The following ZNF577 variants were observed in gnomAD, a reference collection of about 807,000 sequenced individuals.
ZNF577 encodes zinc finger protein 577.
Under a neutral mutation model 13.9 loss-of-function variants are expected in ZNF577, and 14 were observed. The ratio of observed to expected loss-of-function variants is 1.00; its 90% CI spans 0.66 to 1.57. The LOEUF (loss-of-function observed/expected upper bound fraction) is 1.57. ZNF577 is among the 40% of genes most tolerant of loss of function. The probability of loss-of-function intolerance (pLI) is 0.00; values close to 1 mark genes in which losing one functional copy is unlikely to be tolerated. For missense variants in ZNF577, 555 were observed against 579.2 expected (o/e 0.96, Z 0.43); for synonymous variants, 203 against 202.9 (o/e 1.00, Z 0.00).
chr19:51,833,177 T>C (rs542778000), intron 9 of ZNF577, among the ~76,000 whole-genome samples: 164 of 111,150 alleles, frequency 1.5e-3, no homozygotes, highest in African/African-American at 5.0e-3. Flanking sequence ...CCCAACTTTA[T>C]CTTCTTATTT....
chr19:51,816,963 C>A (rs1203688985), intron 9 of ZNF577, among the ~76,000 whole-genome samples: 3 of 152,090 alleles, frequency 2.0e-5, no homozygotes. Context: ...ATTTTTTCAC[C>A]TTGGTAATTT....
intron 9 of ZNF577, chr19:51,817,534 T>C (rs1186060683): frequency 1.3e-5 from 2 of 151,354 alleles, no homozygotes; most frequent in Non-Finnish European, 3.0e-5. Context: ...TTTTAAATTA[T>C]TGTTTCCCTA....
At position 51,873,628 on chromosome 19, in the gene ZNF577, A is replaced by T; in HGVS notation, c.362T>A (p.Ile121Asn). ...TCCAGTAAGAGTTTTGTCACGCTTG[A>T]TATGGAGGCATGATCTCCCATATCC... Reference protein sequence around the residue: ...FGGYGRSCLHIKRDKTLTGVK... With the variant: ...FGGYGRSCLHNKRDKTLTGVK... Residue 121 changes from isoleucine (I) to asparagine (N), a missense_variant, in exon 6 of 6, where the codon ATC (isoleucine) becomes AAC (asparagine). Coordinates refer to ENST00000638348, the MANE Select transcript of ZNF577 (RefSeq NM_001370449.1). 1 of 1,614,198 alleles carries T rather than the reference A, an allele frequency of 6.2e-7. No homozygotes were observed. Among genetic ancestry groups the T allele is most frequent in the Non-Finnish European group, 8.5e-7 (1 of 1,180,028 alleles).
At chr19:51,857,388 AAG>A (rs1405563569) in intron 5 of ZNF577, among the ~76,000 whole-genome samples, 1 of 119,770 alleles carries the variant, frequency 8.3e-6, no homozygotes, top group Non-Finnish European at 1.6e-5. Flanking sequence ...GAAAGAAAGA[AAG>A]AAAGAAAGAA....
chr19:51,865,854 C>T (rs1296110203), downstream of ZNF577, among the ~76,000 whole-genome samples: 1 of 152,108 alleles, frequency 6.6e-6, no homozygotes, highest in African/African-American at 2.4e-5. Flanking sequence ...CGGTGGCTCA[C>T]ACTTGTAATC....
rs2084690525 is a variant in ZNF577 at position 51,873,149 on chromosome 19, G to A, written c.841C>T (p.Gln281Ter). 1 of 1,613,982 alleles carries A rather than the reference G, an allele frequency of 6.2e-7. No individual in the cohort carries two copies. The highest frequency in any genetic ancestry group is 1.3e-5 in the African/African-American group (1 of 74,906). ...TGGTGTGCAGTGAGGTATGCCTTCT[G>A]AGAAAAGGCTTTCCCACACACACTG... ...GCSVCGKAFS[Q>*]KAYLTAHQRL... is the part of the protein sequence containing the mutation. Residue 281 changes from glutamine (Q) to a stop codon, truncating the protein, a stop_gained, in exon 6 of 6, where the codon CAG (glutamine) becomes TAG (stop). Transcript: ENST00000638348. LOFTEE classifies it low-confidence loss of function (END_TRUNC).
At chr19:51,855,128 A>T (rs1460998580) in intron 5 of ZNF577, among the ~76,000 whole-genome samples, 1 of 152,130 alleles carries the variant, frequency 6.6e-6, no homozygotes, top group East Asian at 1.9e-4. Flanking sequence ...TGTGTCACAA[A>T]TTTTTGTTGA....
In ZNF577 at chr19:51,883,956, C is replaced by T. The variant is rs535335183; in HGVS notation, c.-219+2865G>A. ...TGGTGTGGTGGCAGATGCCTGTAAG[C>T]CCAGCTACTCGGGAGGCTGAGGCAG... On this transcript the variant is annotated intron_variant, in intron 1 of 5. Transcript: ENST00000638348. Among the ~76,000 whole-genome samples, 3 of 152,154 alleles carry T rather than the reference C, an allele frequency of 2.0e-5. No individual in the cohort carries two copies. In the South Asian group the frequency reaches 6.2e-4, roughly 32 times the overall value.
chr19:51,836,894 A>G (rs990520207), intron 9 of ZNF577, among the ~76,000 whole-genome samples: 1 of 151,958 alleles, frequency 6.6e-6, no homozygotes, highest in Non-Finnish European at 1.5e-5. Flanking sequence ...AAATACAAAA[A>G]TTATACGGGC....
At position 51,835,075 on chromosome 19, in the gene ZNF577, T is replaced by G. The variant is rs546808069; in HGVS notation, c.*599+4818A>C. ...TAAAGAAAATATAAGAAAATAACTTTTAAAAGTGGAAATAAATGAAATAGA... is the reference window on the plus strand; with the variant it reads ...TAAAGAAAATATAAGAAAATAACTTGTAAAAGTGGAAATAAATGAAATAGA... On this transcript the variant is annotated intron_variant and NMD_transcript_variant, in intron 9 of 10. Coordinates refer to the ZNF577 transcript ENST00000638827. Among the ~76,000 whole-genome samples, 7 of 152,060 alleles carry G rather than the reference T, an allele frequency of 4.6e-5. No individual in the cohort carries two copies. In the East Asian group the frequency reaches 1.4e-3, roughly 29 times the overall value.
chr19:51,815,886 G>GA (rs2084132693), intron 9 of ZNF577, among the ~76,000 whole-genome samples: 2 of 143,124 alleles, frequency 1.4e-5, no homozygotes, highest in Admixed American at 1.4e-4. Flanking sequence ...AAAGAAAAAA[G>GA]AAAAAGAAGA....
At chr19:51,827,052 G>A (rs562494581) in intron 9 of ZNF577, among the ~76,000 whole-genome samples, 38 of 152,236 alleles carry the variant, frequency 2.5e-4, no homozygotes, top group Admixed American at 1.3e-3. Flanking sequence ...GCCACATGAC[G>A]TCTGGCAATA....
chr19:51,861,410 C>T (rs1280436413), intron 5 of ZNF577: 1 of 154,880 alleles, frequency 6.5e-6, no homozygotes, highest in Admixed American at 6.5e-5. Flanking sequence ...AGATAACAGG[C>T]ATGGGCCAAT....
At chr19:51,874,754 A>T (rs1013050046) in intron 5 of ZNF577, among the ~76,000 whole-genome samples, 1 of 152,178 alleles carries the variant, frequency 6.6e-6, no homozygotes, top group African/African-American at 2.4e-5. Context: ...TATAGAAGGG[A>T]ATATGCTGGA....
At chr19:51,853,321 G>A (rs1448589824) in intron 5 of ZNF577, among the ~76,000 whole-genome samples, 3 of 152,108 alleles carry the variant, frequency 2.0e-5, no homozygotes, top group African/African-American at 7.2e-5. Flanking sequence ...GGTCAGCTCA[G>A]CAATTACAGA....
chr19:51,823,126 G>C lies in ZNF577; in HGVS notation c.*600-11452C>G, dbSNP rs546278431. On this transcript the variant is annotated intron_variant and NMD_transcript_variant, in intron 9 of 10. Coordinates refer to the ZNF577 transcript ENST00000638827. ...GATCCACTCTCCTCAACCTCCTAAA[G>C]TGCTGGGGTTACAGGCATGAGTCAC... Among the ~76,000 whole-genome samples, 5 of 152,252 alleles carry C rather than the reference G, an allele frequency of 3.3e-5. No homozygotes were observed. In the East Asian group the frequency reaches 9.7e-4, roughly 29 times the overall value.
At position 51,814,193 on chromosome 19, in the gene ZNF577, G is replaced by A. The variant is rs79567147; in HGVS notation, c.*600-2519C>T. On this transcript the variant is annotated intron_variant and NMD_transcript_variant, in intron 9 of 10. Coordinates refer to the ZNF577 transcript ENST00000638827. ...AAAATAGTTGACTCCTGTTTTCTGC[G>A]TCTCCACTTGTCTTCATGGTTGTGT... Among the ~76,000 whole-genome samples the A allele has an allele frequency of 7.2e-5, 11 of 152,226 alleles. No homozygotes were observed. In the East Asian group the frequency reaches 1.2e-3, roughly 16 times the overall value.
At chr19:51,860,056 A>G (rs2084480206) in intron 5 of ZNF577, among the ~76,000 whole-genome samples, 2 of 152,170 alleles carry the variant, frequency 1.3e-5, no homozygotes, top group Admixed American at 6.5e-5. Context: ...TATAATAATT[A>G]TGCAAAACCA....
At chr19:51,852,382 T>G (rs2084383294) in intron 5 of ZNF577, among the ~76,000 whole-genome samples, 1 of 152,016 alleles carries the variant, frequency 6.6e-6, no homozygotes, top group Non-Finnish European at 1.5e-5. Context: ...TTGCAAGGAG[T>G]GTGGCTCATG....
Sources: allele counts gnomAD v4.1 joint callset (sites outside exome capture counted in the v4.1 genomes callset), GRCh38; gene constraint gnomAD v4.1.1; transcripts MANE v1.5; gene names NCBI Gene and HGNC (gene_info 2026-07-23, HGNC 2026-07-21).